The following SDK1 variants were observed in gnomAD, a reference collection of about 807,000 sequenced individuals.
The protein encoded by SDK1 is sidekick cell adhesion molecule 1.
A neutral mutation model predicts 245.5 loss-of-function variants in SDK1; 157 were observed. The observed-to-expected ratio is 0.64, with a 90% CI of 0.56 to 0.73. The LOEUF (loss-of-function observed/expected upper bound fraction) is 0.73, where lower values mean the gene tolerates loss of function less well. Ranked by LOEUF, SDK1 falls within the 30% of genes least tolerant of loss-of-function variation. The pLI, the probability that SDK1 is intolerant of heterozygous loss-of-function variation, is 0.00. For synonymous variants in SDK1, 1,647 were observed against 1,278.5 expected, an observed-to-expected ratio of 1.29 and a Z score of -6.15; for missense variants, 3,583 against 3,002.3, an observed-to-expected ratio of 1.19 and a Z score of -4.52.
intron 4 of SDK1, among the ~76,000 whole-genome samples, chr7:3,693,082 AAT>A (rs1320856177): frequency 1.3e-5 from 2 of 152,018 alleles, no homozygotes; most frequent in African/African-American, 2.4e-5. Flanking sequence ...ATTATATATT[AAT>A]ATGACTTAAT....
At chr7:3,937,978 C>T (rs2128120032) in intron 5 of SDK1, among the ~76,000 whole-genome samples, 2 of 152,276 alleles carry the variant, frequency 1.3e-5, no homozygotes, top group African/African-American at 2.4e-5. Flanking sequence ...ACTGGGATTA[C>T]AGGCACCTAC....
rs201326718 is a variant in SDK1 at position 4,161,820 on chromosome 7, G to C, written c.4764G>C (p.Thr1588=). The part of the protein sequence containing the change: ...PGEPPGSVSA[T]PHTTSSVLIQ... ...AGCCCCCGGGATCTGTCTCAGCGAC[G>C]CCACACACCACGTCCTCTGTCCTGA... The change falls in exon 32 of 45, where the codon ACG becomes ACC. Residue 1588 remains threonine, a synonymous_variant. Transcript: ENST00000404826. 4.3e-6 allele frequency: 7 copies of C among 1,614,000 alleles called. No homozygotes were observed. Among genetic ancestry groups the C allele is most frequent in the Non-Finnish European group, 5.9e-6 (7 of 1,179,992 alleles).
intron 25 of SDK1, among the ~76,000 whole-genome samples, chr7:4,127,000 TCTC>T (rs1784432673): frequency 6.6e-6 from 1 of 152,130 alleles, no homozygotes; most frequent in Non-Finnish European, 1.5e-5. Context: ...CTCTTCAGCT[TCTC>T]CTGTCCCTAT....
At chr7:4,109,975 G>A (rs1258589832) in intron 22 of SDK1, among the ~76,000 whole-genome samples, 2 of 152,170 alleles carry the variant, frequency 1.3e-5, no homozygotes, top group Non-Finnish European at 2.9e-5. Flanking sequence ...GGGGAACTTG[G>A]AGGGCACCCT....
At chr7:3,574,069 G>T (rs899580838) in intron 1 of SDK1, among the ~76,000 whole-genome samples, 30 of 151,858 alleles carry the variant, frequency 2.0e-4, no homozygotes, top group African/African-American at 7.0e-4. Context: ...GATAGACTTT[G>T]CCTCTGCAGC....
At chr7:3,398,385 C>A (rs955430146) in intron 1 of SDK1, among the ~76,000 whole-genome samples, 2 of 152,000 alleles carry the variant, frequency 1.3e-5, no homozygotes, top group Admixed American at 1.3e-4. Flanking sequence ...GCCTGAGTCC[C>A]TGGGCTGTGA....
At chr7:3,366,742 T>C (rs1781102304) in intron 1 of SDK1, among the ~76,000 whole-genome samples, 1 of 151,972 alleles carries the variant, frequency 6.6e-6, no homozygotes. Flanking sequence ...TGTTTTTATT[T>C]TATTTATTTA....
chr7:3,730,231 G>C (rs1159053882), intron 4 of SDK1, among the ~76,000 whole-genome samples: 1 of 152,138 alleles, frequency 6.6e-6, no homozygotes, highest in Non-Finnish European at 1.5e-5. Context: ...GGGCATCTCA[G>C]CCTCACATAC....
chr7:3,714,250 C>G (rs998422542), intron 4 of SDK1, among the ~76,000 whole-genome samples: 2 of 152,164 alleles, frequency 1.3e-5, no homozygotes, highest in African/African-American at 4.8e-5. Flanking sequence ...TTGATCACTC[C>G]TTGTGTAGCC....
rs754657850 is a variant in SDK1 at position 4,113,322 on chromosome 7, G to A, written c.3468G>A (p.Pro1156=). 14 of 1,613,772 alleles carry A rather than the reference G, an allele frequency of 8.7e-6. No homozygotes were observed. The highest frequency in any genetic ancestry group is 6.7e-5 in the East Asian group (3 of 44,880). The change falls in exon 24 of 45, where the codon CCG becomes CCA. Residue 1156 remains proline (P), a synonymous_variant. Transcript: ENST00000404826. ...FRMKQVNIVG[P]SPYSPSSRVI... ...TGAAGCAAGTGAACATTGTTGGGCCGAGCCCCTACAGTCCGTCTTCCCGGG... is the reference window on the plus strand; with the variant it reads ...TGAAGCAAGTGAACATTGTTGGGCCAAGCCCCTACAGTCCGTCTTCCCGGG...
intron 1 of SDK1, among the ~76,000 whole-genome samples, chr7:3,343,522 G>A (rs1312075865): frequency 6.6e-6 from 1 of 152,178 alleles, no homozygotes; most frequent in African/African-American, 2.4e-5. Context: ...CATGGATGTG[G>A]CTAATGAAAG....
rs779694324 is a variant in SDK1 at position 3,951,815 on chromosome 7, A to G, written c.1045A>G (p.Ile349Val). ...CCACAGCTTTGGAAGACGCCTCACC[A>G]TCAGCAACCCGACGTCCGCGGACAC... ...GLHSFGRRLT[I>V]SNPTSADTGP... is the part of the protein sequence containing the mutation. Residue 349 changes from isoleucine to valine, a missense_variant, in exon 7 of 45, where the codon ATC becomes GTC. By Grantham distance (29) the Ile-to-Val change is conservative (BLOSUM62 3). Transcript: ENST00000404826. 5 of 1,613,740 alleles carry G rather than the reference A, an allele frequency of 3.1e-6. No homozygotes were observed. In the African/African-American group the frequency reaches 6.7e-5, roughly 22 times the overall value.
chr7:4,102,617 C>T (rs536999921), intron 22 of SDK1, among the ~76,000 whole-genome samples: 6 of 152,292 alleles, frequency 3.9e-5, no homozygotes, highest in East Asian at 1.9e-4. Context: ...CCCTGGCCTC[C>T]GGAGTGCTGA....
At chr7:4,046,054 G>A (rs543773432) in intron 17 of SDK1, among the ~76,000 whole-genome samples, 45 of 151,490 alleles carry the variant, frequency 3.0e-4, no homozygotes, top group African/African-American at 9.2e-4. Flanking sequence ...TCAGCCTCCC[G>A]AGTAGCAGGG....
chr7:3,873,583 GTTAGGCTGT>G (rs1781007713), intron 5 of SDK1, among the ~76,000 whole-genome samples: 2 of 152,006 alleles, frequency 1.3e-5, no homozygotes, highest in Non-Finnish European at 2.9e-5. Context: ...TTATGTATAT[GTTAGGCTGT>G]TTGATATTCT....
chr7:3,890,269 T>C (rs928260915), intron 5 of SDK1, among the ~76,000 whole-genome samples: 1 of 152,176 alleles, frequency 6.6e-6, no homozygotes, highest in African/African-American at 2.4e-5. Flanking sequence ...CACATGGAGT[T>C]GTTGAGCACT....
At chr7:3,955,294 A>C (rs1386293455) in intron 7 of SDK1, among the ~76,000 whole-genome samples, 2 of 152,134 alleles carry the variant, frequency 1.3e-5, no homozygotes, top group African/African-American at 2.4e-5. Context: ...TCCCTGGCTC[A>C]TCTCCAGAGC....
intron 1 of SDK1, among the ~76,000 whole-genome samples, chr7:3,586,419 C>T (rs571440755): frequency 5.3e-5 from 8 of 151,670 alleles, no homozygotes; most frequent in South Asian, 4.2e-4. Context: ...AGGACAGGGC[C>T]GGGCGCGGTG....
intron 4 of SDK1, among the ~76,000 whole-genome samples, chr7:3,706,541 A>G (rs1784894654): frequency 6.6e-6 from 1 of 152,152 alleles, no homozygotes; most frequent in Non-Finnish European, 1.5e-5. Flanking sequence ...AGCTGGGACT[A>G]CAGGTGCCCG....
Sources: allele counts gnomAD v4.1 joint callset (sites outside exome capture counted in the v4.1 genomes callset), GRCh38; gene constraint gnomAD v4.1.1; transcripts MANE v1.5; gene names NCBI Gene and HGNC (gene_info 2026-07-23, HGNC 2026-07-21).